Variants in INPP4B observed in about 807,000 individuals in gnomAD.
INPP4B encodes inositol polyphosphate 4-phosphatase type II.
A neutral mutation model predicts 122.5 loss-of-function variants in INPP4B; 55 were observed. That is an observed-to-expected ratio of 0.45 (90% CI 0.36 to 0.56). The LOEUF is 0.56. Among genes scored for constraint, INPP4B ranks in the 20% least tolerant of loss-of-function variants. The probability of loss-of-function intolerance (pLI) is 0.00; values close to 1 mark genes in which losing one functional copy is unlikely to be tolerated. For missense variants in INPP4B, 1,000 were observed against 1,097.7 expected, an observed-to-expected ratio of 0.91 and a Z score of 1.26; for synonymous variants, 403 against 388.7, an observed-to-expected ratio of 1.04 and a Z score of -0.43.
intron 2 of INPP4B, among the ~76,000 whole-genome samples, chr4:142,592,579 T>G (rs1737735762): frequency 6.6e-6 from 1 of 152,222 alleles, no homozygotes; most frequent in Non-Finnish European, 1.5e-5. Context: ...AGTTTTCTTC[T>G]TTCTATTTCT....
intron 24 of INPP4B, among the ~76,000 whole-genome samples, chr4:142,084,175 G>T (rs747437614): frequency 3.9e-5 from 6 of 152,076 alleles, no homozygotes; most frequent in Non-Finnish European, 8.8e-5. Context: ...CCAGGCTGGA[G>T]TGCTGTGGCT....
chr4:142,445,862 C>T (rs1341404680), intron 3 of INPP4B, among the ~76,000 whole-genome samples: 1 of 151,970 alleles, frequency 6.6e-6, no homozygotes, highest in Admixed American at 6.6e-5. Flanking sequence ...GGAGATTGAA[C>T]TAGAAATAAC....
intron 23 of INPP4B, among the ~76,000 whole-genome samples, chr4:142,086,917 T>C (rs1207620639): frequency 6.6e-6 from 1 of 152,168 alleles, no homozygotes; most frequent in African/African-American, 2.4e-5. Context: ...TTTTTTGCCA[T>C]TGAGTAGCTA....
At chr4:142,511,213 TA>T (rs1824673087) in intron 2 of INPP4B, among the ~76,000 whole-genome samples, 1 of 152,290 alleles carries the variant, frequency 6.6e-6, no homozygotes, top group Admixed American at 6.5e-5. Flanking sequence ...ATAAAATCTC[TA>T]ATGTGCCAGT....
intron 23 of INPP4B, among the ~76,000 whole-genome samples, chr4:142,094,114 A>T (rs1177825061): frequency 6.6e-6 from 1 of 152,174 alleles, no homozygotes; most frequent in Non-Finnish European, 1.5e-5. Flanking sequence ...AAGTCATGTC[A>T]AAAAATCTAA....
At chr4:142,031,036 C>A (rs1739646332) in intron 25 of INPP4B, among the ~76,000 whole-genome samples, 1 of 152,098 alleles carries the variant, frequency 6.6e-6, no homozygotes, top group Non-Finnish European at 1.5e-5. Flanking sequence ...TAAAAGACTT[C>A]ATTTCTAGAT....
intron 12 of INPP4B, among the ~76,000 whole-genome samples, chr4:142,218,206 A>G (rs1258731585): frequency 1.3e-5 from 2 of 152,302 alleles, no homozygotes. Flanking sequence ...AAAATCATCT[A>G]GAATATAGTT....
At chr4:142,330,561 A>G (rs1345597833) in intron 7 of INPP4B, among the ~76,000 whole-genome samples, 1 of 152,176 alleles carries the variant, frequency 6.6e-6, no homozygotes, top group Admixed American at 6.5e-5. Flanking sequence ...GCGCACGCAC[A>G]CACACACATA....
chr4:142,646,618 AT>A (rs1221153355), intron 2 of INPP4B, among the ~76,000 whole-genome samples: 11 of 152,236 alleles, frequency 7.2e-5, no homozygotes, highest in Non-Finnish European at 1.6e-4. Context: ...TATTAAAAAA[AT>A]AATGGAGAAT....
At chr4:142,296,905 T>G (rs893157770) in intron 9 of INPP4B, among the ~76,000 whole-genome samples, 2 of 152,130 alleles carry the variant, frequency 1.3e-5, no homozygotes, top group Non-Finnish European at 2.9e-5. Context: ...TAACATAAAA[T>G]AATCAGTTTT....
At chr4:142,479,517 TCA>T in intron 2 of INPP4B, among the ~76,000 whole-genome samples, 1 of 152,286 alleles carries the variant, frequency 6.6e-6, no homozygotes, top group African/African-American at 2.4e-5. Context: ...ACATGAATGT[TCA>T]TTGGAGCACT....
At chr4:142,706,074 T>A (rs1429763053) in intron 2 of INPP4B, among the ~76,000 whole-genome samples, 1 of 152,250 alleles carries the variant, frequency 6.6e-6, no homozygotes, top group Non-Finnish European at 1.5e-5. Flanking sequence ...TCCTGTCCTG[T>A]TATACTGACA....
chr4:142,088,910 A>G (rs146154898), intron 23 of INPP4B, among the ~76,000 whole-genome samples: 75 of 152,306 alleles, frequency 4.9e-4, no homozygotes, highest in Admixed American at 1.1e-3. Context: ...GCAGGCTATG[A>G]CATAACTCAG....
At chr4:142,773,790 G>A (rs921226948) in intron 1 of INPP4B, among the ~76,000 whole-genome samples, 2 of 152,210 alleles carry the variant, frequency 1.3e-5, no homozygotes, top group African/African-American at 4.8e-5. Flanking sequence ...ATTATCAGAA[G>A]GGTGGTGACT....
At position 142,190,763 on chromosome 4, in the gene INPP4B, T is replaced by C. The variant is rs190006452; in HGVS notation, c.1181+2324A>G. 1.9e-4 allele frequency among the ~76,000 whole-genome samples: 29 copies of C among 151,990 alleles called. No homozygotes were observed. The East Asian group carries it at 5.4e-3, about 28-fold the overall frequency. On this transcript the variant is annotated intron_variant, in intron 15 of 25. Transcript: ENST00000262992. ...GTGTGTGTGCGCGTGTGTGTTGATA[T>C]GTAACATCCCAGTGAAAAGTGAAGA...
intron 2 of INPP4B, among the ~76,000 whole-genome samples, chr4:142,487,949 A>T (rs1821402135): frequency 6.6e-6 from 1 of 152,106 alleles, no homozygotes; most frequent in Admixed American, 6.6e-5. Context: ...GGATTTCAGT[A>T]CAATGTTGAA....
intron 1 of INPP4B, among the ~76,000 whole-genome samples, chr4:142,826,383 T>C (rs1781462032): frequency 6.6e-6 from 1 of 152,114 alleles, no homozygotes; most frequent in Admixed American, 6.6e-5. Context: ...GAAGTACATG[T>C]CCTTTAGATT....
At chr4:142,188,767 A>C (rs558410983) in intron 15 of INPP4B, among the ~76,000 whole-genome samples, 2 of 152,106 alleles carry the variant, frequency 1.3e-5, no homozygotes, top group East Asian at 3.9e-4. Flanking sequence ...AAGAAATAAA[A>C]ATTTTTATTC....
intron 5 of INPP4B, among the ~76,000 whole-genome samples, chr4:142,421,328 A>G (rs886933086): frequency 7.9e-5 from 12 of 152,108 alleles, no homozygotes; most frequent in Admixed American, 2.0e-4. Flanking sequence ...TGGGAAAATT[A>G]TTGTCTATAT....
Sources: allele counts gnomAD v4.1 joint callset (sites outside exome capture counted in the v4.1 genomes callset), GRCh38; gene constraint gnomAD v4.1.1; transcripts MANE v1.5; gene names NCBI Gene and HGNC (gene_info 2026-07-23, HGNC 2026-07-21).